UBASH3B: variants seen among roughly 807,000 people sequenced by gnomAD.
The protein encoded by UBASH3B is ubiquitin-associated and SH3 domain-containing protein B.
A neutral mutation model predicts 83.4 loss-of-function variants in UBASH3B; 37 were observed. The ratio of observed to expected loss-of-function variants is 0.44; its 90% CI spans 0.34 to 0.58. UBASH3B has a LOEUF of 0.58. UBASH3B is among the 20% of genes least tolerant of loss of function. UBASH3B has a pLI of 0.01. For synonymous variants in UBASH3B, 304 were observed against 318.3 expected (o/e 0.96, Z 0.48); for missense variants, 657 against 827.2 (o/e 0.79, Z 2.52).
chr11:122,672,605 C>T (rs1029839214), intron 1 of UBASH3B, among the ~76,000 whole-genome samples: 4 of 152,098 alleles, frequency 2.6e-5, no homozygotes, highest in Non-Finnish European at 5.9e-5. Context: ...GGATTACAGG[C>T]GTGAGGCACA....
Position 122,690,211 on chromosome 11 carries a change from C to A in UBASH3B, c.161+34001C>A, listed in dbSNP as rs1339160522. Among the ~76,000 whole-genome samples the A allele has an allele frequency of 1.9e-3, 30 of 15,684 alleles. 1 individual carries two copies. Among genetic ancestry groups the A allele is most frequent in the East Asian group, 9.5e-3 (5 of 528 alleles). 10.3% of individuals were successfully genotyped at this position (15,684 alleles called of 152,430 possible). A position where few individuals can be genotyped will look rare whatever the true frequency, so the allele number is the denominator to read the frequency against. On this transcript the variant is annotated intron_variant, in intron 1 of 13. Coordinates refer to ENST00000284273, the MANE Select transcript of UBASH3B (RefSeq NM_032873.5). ...ATATATATATATATATATATATATCCAATTATATATATATATATCCAATTT... is the reference window on the plus strand; with the variant it reads ...ATATATATATATATATATATATATCAAATTATATATATATATATCCAATTT...
chr11:122,724,849 A>G (rs1242200909), intron 1 of UBASH3B, among the ~76,000 whole-genome samples: 1 of 152,296 alleles, frequency 6.6e-6, no homozygotes, highest in South Asian at 2.1e-4. Flanking sequence ...CCTAAGACTC[A>G]TAAGCCCCAT....
chr11:122,774,092 G>A (rs1860693027), intron 1 of UBASH3B: 1 of 984,974 alleles, frequency 1.0e-6, no homozygotes, highest in East Asian at 1.1e-4. Context: ...GCCTCTGATT[G>A]TCTAGTAAGT....
chr11:122,754,421 A>C (rs1861251405), intron 1 of UBASH3B, among the ~76,000 whole-genome samples: 2 of 152,222 alleles, frequency 1.3e-5, no homozygotes, highest in African/African-American at 4.8e-5. Flanking sequence ...CCTGTATTAC[A>C]TCTGGGAGGA....
chr11:122,808,116 C>T lies in UBASH3B; in HGVS notation c.1752C>T (p.Thr584=). ...ACGCATCTTCCCTTGAAGCGTGTAC[C>T]TGCCAACTTCAGGGCCTGTCACCTC... ...VAHASSLEAC[T]CQLQGLSPQN... is the part of the protein sequence containing the mutation. The change falls in exon 13 of 14, where the codon ACC becomes ACT. Residue 584 remains threonine, a synonymous_variant. Transcript: ENST00000284273. 1.2e-6 allele frequency: 2 copies of T among 1,614,176 alleles called. No individual in the cohort carries two copies. Among genetic ancestry groups the T allele is most frequent in the Non-Finnish European group, 1.7e-6 (2 of 1,180,006 alleles).
chr11:122,672,583 C>T (rs1863612208), intron 1 of UBASH3B, among the ~76,000 whole-genome samples: 2 of 152,162 alleles, frequency 1.3e-5, no homozygotes, highest in Admixed American at 1.3e-4. Flanking sequence ...GTTTCGGCCT[C>T]CCAAAGTGCT....
In UBASH3B at chr11:122,704,813, AT is replaced by A. The variant is rs542892656; in HGVS notation, c.161+48613del. 3.4e-3 allele frequency among the ~76,000 whole-genome samples: 510 copies of A among 149,880 alleles called. 3 individuals are homozygous for A. Among genetic ancestry groups the A allele is most frequent in the African/African-American group, 0.012 (477 of 40,914 alleles). The stretch of plus-strand genomic sequence containing the variant: ...GCATGACCACCGTGCCCCGTCAACA[AT>A]TTTTTTTTTAATAGAAAACTTTATT... On this transcript the variant is annotated intron_variant, in intron 1 of 13. Coordinates refer to ENST00000284273, the MANE Select transcript of UBASH3B (RefSeq NM_032873.5).
At chr11:122,696,657 A>G (rs1256075045) in intron 1 of UBASH3B, among the ~76,000 whole-genome samples, 2 of 152,266 alleles carry the variant, frequency 1.3e-5, no homozygotes, top group Middle Eastern at 3.4e-3. Flanking sequence ...TAAAGACTAG[A>G]ATGTGTAAGT....
chr11:122,804,247 C>G (rs1861301802), intron 11 of UBASH3B, among the ~76,000 whole-genome samples: 1 of 152,078 alleles, frequency 6.6e-6, no homozygotes, highest in Non-Finnish European at 1.5e-5. Flanking sequence ...GAGGAGAAAG[C>G]TTGCTCCAGA....
intron 11 of UBASH3B, among the ~76,000 whole-genome samples, chr11:122,802,287 C>T (rs1177333327): frequency 7.2e-6 from 1 of 139,260 alleles, no homozygotes; most frequent in Admixed American, 7.9e-5. Flanking sequence ...TGCACTCCAG[C>T]CTGGTGACAG....
chr11:122,768,498 GTGTGTGTGTGTATA>G (rs1174743094), intron 1 of UBASH3B, among the ~76,000 whole-genome samples: 1 of 136,994 alleles, frequency 7.3e-6, no homozygotes, highest in African/African-American at 2.8e-5. Flanking sequence ...GTGTGTGTGT[GTGTGTGTGTGTATA>G]TATATATATT....
At chr11:122,783,664 T>C (rs1246824595) in intron 5 of UBASH3B, among the ~76,000 whole-genome samples, 1 of 129,520 alleles carries the variant, frequency 7.7e-6, no homozygotes, top group Non-Finnish European at 1.8e-5. Context: ...AATCAACAGA[T>C]ATTTGCTGTG....
intron 5 of UBASH3B, among the ~76,000 whole-genome samples, chr11:122,785,687 T>TTTGAAG (rs1860935566): frequency 6.6e-6 from 1 of 152,226 alleles, no homozygotes; most frequent in Non-Finnish European, 1.5e-5. Context: ...AAATCCTGGC[T>TTTGAAG]CCATCACTTT....
At chr11:122,728,206 T>G (rs1159668696) in intron 1 of UBASH3B, among the ~76,000 whole-genome samples, 1 of 152,184 alleles carries the variant, frequency 6.6e-6, no homozygotes, top group Non-Finnish European at 1.5e-5. Flanking sequence ...TCCATGAGGA[T>G]GCAGAGTCGT....
At chr11:122,782,859 TGG>T in intron 4 of UBASH3B, 192 bp from the exon 5 acceptor site, 1 of 648,688 alleles carries the variant, frequency 1.5e-6, no homozygotes, top group South Asian at 2.0e-5. Flanking sequence ...TCTTGAACAG[TGG>T]CTTGATTCGG....
At chr11:122,674,289 T>A (rs1238574319) in intron 1 of UBASH3B, among the ~76,000 whole-genome samples, 1 of 152,168 alleles carries the variant, frequency 6.6e-6, no homozygotes, top group African/African-American at 2.4e-5. Context: ...TGAATTCATA[T>A]TAGATTCTCA....
chr11:122,718,457 C>T (rs1221688316), intron 1 of UBASH3B, among the ~76,000 whole-genome samples: 1 of 152,082 alleles, frequency 6.6e-6, no homozygotes, highest in Non-Finnish European at 1.5e-5. Flanking sequence ...TTGAATCTGC[C>T]ATCTCCAGCC....
chr11:122,772,358 T>C (rs1390531566), intron 1 of UBASH3B, among the ~76,000 whole-genome samples: 1 of 152,150 alleles, frequency 6.6e-6, no homozygotes, highest in African/African-American at 2.4e-5. Context: ...TCTTTGTACA[T>C]CCCGTGATAA....
intron 1 of UBASH3B, among the ~76,000 whole-genome samples, chr11:122,770,945 C>T (rs1440710136): frequency 6.6e-6 from 1 of 152,206 alleles, no homozygotes; most frequent in East Asian, 1.9e-4. Flanking sequence ...TCCTTCAATG[C>T]AAGCAAATCT....
Sources: allele counts gnomAD v4.1 joint callset (sites outside exome capture counted in the v4.1 genomes callset), GRCh38; gene constraint gnomAD v4.1.1; transcripts MANE v1.5; gene names NCBI Gene and HGNC (gene_info 2026-07-23, HGNC 2026-07-21).